ADGRL3: variants seen among roughly 807,000 people sequenced by gnomAD.
ADGRL3 encodes the protein calcium-independent alpha-latrotoxin receptor 3.
Under a neutral mutation model 153.5 loss-of-function variants are expected in ADGRL3, and 62 were observed. The ratio of observed to expected loss-of-function variants is 0.40; its 90% CI spans 0.33 to 0.50. The LOEUF (loss-of-function observed/expected upper bound fraction) is 0.50, where lower values mean the gene tolerates loss of function less well. Among genes scored for constraint, ADGRL3 ranks in the 20% least tolerant of loss-of-function variants. The pLI is 0.47. For missense variants in ADGRL3, 1,641 were observed against 1,859.4 expected, an observed-to-expected ratio of 0.88 and a Z score of 2.16; for synonymous variants, 710 against 672.5, an observed-to-expected ratio of 1.06 and a Z score of -0.86.
chr4:61,318,958 A>ATTCTCTAGT (rs2095296509), intron 1 of ADGRL3, among the ~76,000 whole-genome samples: 1 of 152,180 alleles, frequency 6.6e-6, no homozygotes, highest in African/African-American at 2.4e-5. Flanking sequence ...CTATAAATTC[A>ATTCTCTAGT]TTCTCTAGTT....
intron 8 of ADGRL3, among the ~76,000 whole-genome samples, chr4:61,739,888 A>C (rs2096563083): frequency 6.6e-6 from 1 of 152,218 alleles, no homozygotes; most frequent in African/African-American, 2.4e-5. Flanking sequence ...GAAAGTGGGC[A>C]ACTGTTTAAA....
intron 18 of ADGRL3, among the ~76,000 whole-genome samples, chr4:61,980,855 T>C (rs1397470300): frequency 6.6e-6 from 1 of 152,178 alleles, no homozygotes; most frequent in Non-Finnish European, 1.5e-5. Context: ...TACCACAGTT[T>C]ATCTACTCAC....
chr4:61,696,254 A>C (rs1053054304), intron 6 of ADGRL3, among the ~76,000 whole-genome samples: 4 of 152,282 alleles, frequency 2.6e-5, no homozygotes, highest in African/African-American at 9.6e-5. Flanking sequence ...CTGAATCTGC[A>C]TATGACTTAA....
chr4:61,959,883 A>C (rs573022742), intron 17 of ADGRL3, among the ~76,000 whole-genome samples: 9 of 152,300 alleles, frequency 5.9e-5, no homozygotes, highest in Middle Eastern at 3.4e-3. Context: ...GTATTTTGCT[A>C]TCTATAGTAT....
intron 3 of ADGRL3, among the ~76,000 whole-genome samples, chr4:61,511,389 G>C (rs2098463042): frequency 6.6e-6 from 1 of 152,056 alleles, no homozygotes; most frequent in South Asian, 2.1e-4. Flanking sequence ...AACAAAAAAT[G>C]CTACTGATTT....
At chr4:61,571,734 C>A (rs189955448) in intron 4 of ADGRL3, among the ~76,000 whole-genome samples, 1 of 152,174 alleles carries the variant, frequency 6.6e-6, no homozygotes, top group African/African-American at 2.4e-5. Context: ...AGAACATTGA[C>A]TAATCATTTA....
intron 13 of ADGRL3, among the ~76,000 whole-genome samples, chr4:61,930,058 C>T (rs1581508624): frequency 6.6e-6 from 1 of 152,010 alleles, no homozygotes; most frequent in Middle Eastern, 3.4e-3. Flanking sequence ...CGCCTGTAGT[C>T]CCAGCTACTC....
At chr4:61,373,604 T>C (rs2096567678) in intron 1 of ADGRL3, among the ~76,000 whole-genome samples, 1 of 152,188 alleles carries the variant, frequency 6.6e-6, no homozygotes, top group Non-Finnish European at 1.5e-5. Context: ...TCAATTAAAT[T>C]TAAAAATAAT....
chr4:61,613,651 G>A (rs1158765255), intron 5 of ADGRL3, among the ~76,000 whole-genome samples: 1 of 152,144 alleles, frequency 6.6e-6, no homozygotes, highest in African/African-American at 2.4e-5. Context: ...GATTGAGGCA[G>A]GAGAATCTCT....
intron 5 of ADGRL3, among the ~76,000 whole-genome samples, chr4:61,641,236 G>A (rs1229434190): frequency 2.0e-5 from 3 of 151,272 alleles, no homozygotes; most frequent in Non-Finnish European, 2.9e-5. Flanking sequence ...TTGGCACAGT[G>A]CTTGTTATGT....
Position 61,200,849 on chromosome 4 carries a change from CCCGGCCCGG to C in ADGRL3, c.-1150_-1142del, listed in dbSNP as rs1344667220. On this transcript the variant is annotated 5_prime_UTR_variant, in exon 1 of 27. Coordinates refer to ENST00000683033, the MANE Select transcript of ADGRL3 (RefSeq NM_001387552.1). ...TGAAGCTCCCACATGCCCGCAGCTGCCCGGCCCGGCCGGCGAGCTAATCATCCACCCCAC... is the reference window on the plus strand; with the variant it reads ...TGAAGCTCCCACATGCCCGCAGCTGCCCGGCGAGCTAATCATCCACCCCAC... Among the ~76,000 whole-genome samples, 3 of 151,676 alleles carry C rather than the reference CCCGGCCCGG, an allele frequency of 2.0e-5. No homozygotes were observed. Among genetic ancestry groups the C allele is most frequent in the Admixed American group, 6.6e-5 (1 of 15,262 alleles).
rs1553908051 is a variant in ADGRL3 at position 62,006,032 on chromosome 4, AT to A, written c.3395+7782del. 8.8e-3 allele frequency among the ~76,000 whole-genome samples: 645 copies of A among 73,044 alleles called. 7 individuals are homozygous for A. Among genetic ancestry groups the A allele is most frequent in the Middle Eastern group, 0.013 (1 of 76 alleles). 47.9% of individuals were successfully genotyped at this position (73,044 alleles called of 152,430 possible). A position where few individuals can be genotyped will look rare whatever the true frequency, so the allele number is the denominator to read the frequency against. On this transcript the variant is annotated intron_variant, in intron 21 of 26. Transcript: ENST00000683033. ...TATATATATATATATATATATATATATTTTTTTTTTTTTTTGAGAAAGGGTT... is the reference window on the plus strand; with the variant it reads ...TATATATATATATATATATATATATATTTTTTTTTTTTTTGAGAAAGGGTT...
intron 1 of ADGRL3, among the ~76,000 whole-genome samples, chr4:61,233,916 G>T (rs1042172782): frequency 1.3e-5 from 2 of 152,112 alleles, no homozygotes; most frequent in East Asian, 3.9e-4. Context: ...GGTAGTCTAG[G>T]TTAATTTATA....
At chr4:61,737,545 C>T (rs556040881) in intron 8 of ADGRL3, among the ~76,000 whole-genome samples, 38 of 152,136 alleles carry the variant, frequency 2.5e-4, no homozygotes, top group African/African-American at 9.2e-4. Flanking sequence ...TCTTCAGTCT[C>T]GATTTCCTCA....
intron 5 of ADGRL3, among the ~76,000 whole-genome samples, chr4:61,598,564 G>T (rs1320084786): frequency 6.6e-6 from 1 of 152,074 alleles, no homozygotes; most frequent in African/African-American, 2.4e-5. Context: ...TGTTTTGATG[G>T]TTACAGCATG....
chr4:61,764,914 C>T (rs1207033167), intron 8 of ADGRL3, among the ~76,000 whole-genome samples: 4 of 151,566 alleles, frequency 2.6e-5, no homozygotes, highest in Admixed American at 2.0e-4. Flanking sequence ...TTAGAAGAAA[C>T]ATTTGTCGTA....
intron 8 of ADGRL3, among the ~76,000 whole-genome samples, chr4:61,761,942 T>C (rs2096917902): frequency 6.6e-6 from 1 of 152,090 alleles, no homozygotes; most frequent in Non-Finnish European, 1.5e-5. Flanking sequence ...AATAAATAAA[T>C]AGATAAATAA....
intron 25 of ADGRL3, among the ~76,000 whole-genome samples, chr4:62,054,392 A>G (rs1359847116): frequency 6.6e-6 from 1 of 151,546 alleles, no homozygotes; most frequent in Non-Finnish European, 1.5e-5. Context: ...CAATCCTACC[A>G]CTGTTGGCTT....
chr4:61,982,295 C>G (rs2150854138), intron 18 of ADGRL3, among the ~76,000 whole-genome samples: 1 of 152,264 alleles, frequency 6.6e-6, no homozygotes, highest in Non-Finnish European at 1.5e-5. Context: ...TGCAGCTCAG[C>G]AAAACTTGTC....
Sources: gnomAD v4.1 joint callset for allele counts (sites outside exome capture counted in the v4.1 genomes callset) on GRCh38, gnomAD v4.1.1 for gene constraint, MANE v1.5 for transcripts, NCBI Gene and HGNC (gene_info 2026-07-23, HGNC 2026-07-21) for gene names.